The following CACNB4 variants were observed in gnomAD, a reference collection of about 807,000 sequenced individuals.
The protein encoded by CACNB4 is voltage-dependent L-type calcium channel subunit beta-4.
CACNB4 carries 32 observed loss-of-function variants against 71.2 expected under a neutral mutation model. The observed-to-expected ratio is 0.45, with a 90% CI of 0.34 to 0.60. The LOEUF (loss-of-function observed/expected upper bound fraction) is 0.60. Ranked by LOEUF, CACNB4 falls within the 20% of genes least tolerant of loss-of-function variation. The pLI is 0.01. For synonymous variants in CACNB4, 231 were observed against 236.9 expected (o/e 0.97, Z 0.23); for missense variants, 464 against 647.9 (o/e 0.72, Z 3.08).
chr2:151,985,939 A>G (rs1169974538), intron 2 of CACNB4, among the ~76,000 whole-genome samples: 1 of 152,202 alleles, frequency 6.6e-6, no homozygotes, highest in Non-Finnish European at 1.5e-5. Flanking sequence ...ACTCAAGCTC[A>G]GTAAAGGTTC....
chr2:152,059,319 G>A (rs757450560), intron 2 of CACNB4, among the ~76,000 whole-genome samples: 9 of 152,352 alleles, frequency 5.9e-5, no homozygotes, highest in East Asian at 1.9e-4. Context: ...GACCCTCAAC[G>A]GCAGCCGTGA....
intron 2 of CACNB4, among the ~76,000 whole-genome samples, chr2:151,961,854 T>C (rs2099869746): frequency 2.0e-5 from 3 of 152,020 alleles, no homozygotes; most frequent in Non-Finnish European, 1.5e-5. Flanking sequence ...ATTGCGCCAC[T>C]GCTCTCCAGA....
intron 2 of CACNB4, among the ~76,000 whole-genome samples, chr2:151,960,854 T>G (rs549929897): frequency 1.2e-4 from 19 of 152,322 alleles, no homozygotes; most frequent in African/African-American, 1.7e-4. Context: ...CAAAAGACAC[T>G]CCCAAAATTT....
intron 2 of CACNB4, among the ~76,000 whole-genome samples, chr2:152,052,660 G>A (rs1685506637): frequency 6.6e-6 from 1 of 152,078 alleles, no homozygotes. Context: ...CCTTGTTATT[G>A]CCAAATAATA....
At chr2:151,965,331 T>C (rs1380700939) in intron 2 of CACNB4, among the ~76,000 whole-genome samples, 3 of 152,238 alleles carry the variant, frequency 2.0e-5, no homozygotes, top group Admixed American at 6.5e-5. Context: ...CTCTCATCTT[T>C]GCATCCTTTC....
At position 151,835,521 on chromosome 2, in the gene CACNB4, C is replaced by T. The variant is rs1291352673; in HGVS notation, c.*3598G>A. 7 of 151,764 alleles carry T rather than the reference C, an allele frequency of 4.6e-5. No homozygotes were observed. Among genetic ancestry groups the T allele is most frequent in the Non-Finnish European group, 7.4e-5 (5 of 67,758 alleles). The allele number at this position is 151,764 out of a possible 1,614,324, so 9.4% of individuals were successfully genotyped here. A position where few individuals can be genotyped will look rare whatever the true frequency, so the allele number is the denominator to read the frequency against. On this transcript the variant is annotated 3_prime_UTR_variant, in exon 14 of 14. Coordinates refer to ENST00000539935, the MANE Select transcript of CACNB4 (RefSeq NM_000726.5). ...TAGGGTAATTTCTACAATGGTATTACATTTTTTAAGCAAATACCAAAATAA... is the reference window on the plus strand; with the variant it reads ...TAGGGTAATTTCTACAATGGTATTATATTTTTTAAGCAAATACCAAAATAA...
At chr2:152,027,599 A>C (rs1684044945) in intron 2 of CACNB4, among the ~76,000 whole-genome samples, 1 of 152,156 alleles carries the variant, frequency 6.6e-6, no homozygotes, top group Non-Finnish European at 1.5e-5. Context: ...CAAACCACTG[A>C]CCACCATAAA....
chr2:151,840,456 G>A (rs1417052266), intron 13 of CACNB4, among the ~76,000 whole-genome samples: 12 of 152,162 alleles, frequency 7.9e-5, no homozygotes, highest in South Asian at 2.1e-4. Flanking sequence ...GCATTTCTAC[G>A]TACATTACAG....
intron 9 of CACNB4, among the ~76,000 whole-genome samples, chr2:151,861,895 GA>G (rs752589784): frequency 6.8e-6 from 1 of 146,984 alleles, no homozygotes; most frequent in Non-Finnish European, 1.5e-5. Flanking sequence ...AATAAATGCA[GA>G]GGGGCATCTA....
At chr2:152,086,962 T>A (rs1333740380) in intron 2 of CACNB4, among the ~76,000 whole-genome samples, 3 of 151,950 alleles carry the variant, frequency 2.0e-5, no homozygotes, top group East Asian at 1.9e-4. Context: ...GAAACCCACA[T>A]CTCTACTAAA....
chr2:151,968,904 T>C (rs183576802), intron 2 of CACNB4: 19 of 152,342 alleles, frequency 1.2e-4, no homozygotes, highest in East Asian at 1.9e-4. Context: ...AGCAGCAAGA[T>C]TGACAAGCTG....
At chr2:152,089,712 G>T (rs529587618) in intron 2 of CACNB4, among the ~76,000 whole-genome samples, 1 of 151,966 alleles carries the variant, frequency 6.6e-6, no homozygotes, top group African/African-American at 2.4e-5. Flanking sequence ...TGAAAGGACT[G>T]CTTGAGCCCA....
At chr2:151,857,579 G>A (rs2099840617) in intron 10 of CACNB4, 1 of 152,220 alleles carries the variant, frequency 6.6e-6, no homozygotes, top group Non-Finnish European at 1.5e-5. Flanking sequence ...GCCTCAGGAT[G>A]TCAGGGTATG....
intron 2 of CACNB4, among the ~76,000 whole-genome samples, chr2:151,961,206 C>T (rs1044800695): frequency 9.9e-5 from 15 of 152,182 alleles, no homozygotes; most frequent in African/African-American, 3.6e-4. Flanking sequence ...AACGTGATGA[C>T]ATTTGGAGAG....
chr2:151,996,745 T>C (rs539607894), intron 2 of CACNB4, among the ~76,000 whole-genome samples: 3 of 152,338 alleles, frequency 2.0e-5, no homozygotes, highest in South Asian at 4.1e-4. Flanking sequence ...ATATTTTTCT[T>C]ATTTTCTGTC....
At chr2:151,956,881 T>C (rs2099868401) in intron 2 of CACNB4, among the ~76,000 whole-genome samples, 1 of 152,346 alleles carries the variant, frequency 6.6e-6, no homozygotes. Flanking sequence ...GCACAGTGGC[T>C]CATGCCTGTA....
At chr2:152,060,132 G>C (rs939403555) in intron 2 of CACNB4, among the ~76,000 whole-genome samples, 3 of 152,158 alleles carry the variant, frequency 2.0e-5, no homozygotes, top group African/African-American at 7.2e-5. Flanking sequence ...CTTTATAGCA[G>C]TGTGAAAATG....
chr2:151,949,510 T>C (rs1199686567), intron 2 of CACNB4, among the ~76,000 whole-genome samples: 2 of 151,976 alleles, frequency 1.3e-5, no homozygotes, highest in African/African-American at 4.8e-5. Context: ...AAGACACATA[T>C]GCAAAGGCAA....
At chr2:151,963,521 T>C (rs1429795196) in intron 2 of CACNB4, among the ~76,000 whole-genome samples, 6 of 152,262 alleles carry the variant, frequency 3.9e-5, no homozygotes, top group East Asian at 3.9e-4. Context: ...ATTCTTCCTA[T>C]AGAATCTGGA....
Sources: gnomAD v4.1 joint callset for allele counts (sites outside exome capture counted in the v4.1 genomes callset) on GRCh38, gnomAD v4.1.1 for gene constraint, MANE v1.5 for transcripts, NCBI Gene and HGNC (gene_info 2026-07-23, HGNC 2026-07-21) for gene names.